Variants in NYNRIN observed in about 807,000 individuals in gnomAD.
NYNRIN encodes protein NYNRIN.
In NYNRIN, 86 loss-of-function variants were observed where a neutral mutation model predicts 146.6. The observed-to-expected ratio is 0.59, with a 90% CI of 0.49 to 0.70. The LOEUF is 0.70. Among genes scored for constraint, NYNRIN ranks in the 30% least tolerant of loss-of-function variants. NYNRIN has a pLI of 0.00. For missense variants in NYNRIN, 2,191 were observed against 2,377.7 expected, an observed-to-expected ratio of 0.92 and a Z score of 1.63; for synonymous variants, 1,027 against 1,001.3, an observed-to-expected ratio of 1.03 and a Z score of -0.48.
chr14:24,416,062 C>T lies in NYNRIN; in HGVS notation c.4313C>T (p.Ala1438Val). The T allele has an allele frequency of 1.2e-6, 2 of 1,614,018 alleles. No individual in the cohort carries two copies. Among genetic ancestry groups the T allele is most frequent in the Non-Finnish European group, 1.7e-6 (2 of 1,179,888 alleles). ...YRTSYRGSLFAVTVDTLAKQG... is the reference protein window; with the variant it reads ...YRTSYRGSLFVVTVDTLAKQG... Reference sequence around the variant, plus strand: ...ACCTCCTACCGGGGCTCTCTGTTTGCTGTGACAGTGGACACCCTGGCCAAG... The same window carrying T: ...ACCTCCTACCGGGGCTCTCTGTTTGTTGTGACAGTGGACACCCTGGCCAAG... The change falls in exon 9 of 9, where the codon GCT (alanine) becomes GTT (valine). Residue 1438 changes from alanine to valine, a missense_variant. Around this residue, in one of 3 missense-constraint regions of NYNRIN, gnomAD observed 1,291 missense variants for 1,417.0 expected, o/e 0.91. Transcript: ENST00000382554.
At position 24,408,743 on chromosome 14, in the gene NYNRIN, C is replaced by A. The variant is rs1397898732; in HGVS notation, c.949C>A (p.Gln317Lys). The A allele has an allele frequency of 1.2e-6, 2 of 1,613,980 alleles. No individual in the cohort carries two copies. The highest frequency in any genetic ancestry group is 1.7e-5 in the Admixed American group (1 of 60,024). Residue 317 changes from glutamine to lysine, a missense_variant, in exon 4 of 9, where the codon CAA (glutamine) becomes AAA (lysine). By Grantham distance (53) the Gln-to-Lys change is moderately conservative. Around this residue, in one of 3 missense-constraint regions of NYNRIN, gnomAD observed 895 missense variants for 941.2 expected, o/e 0.95. Transcript: ENST00000382554. ...CAGCCAGGACTCCACGAACCACACA[C>A]AAGCCTTGTTGAAGCAAAGGCAGGT... ...TSSQDSTNHT[Q>K]ALLKQRQVQK...
In NYNRIN at chr14:24,409,353, A is replaced by C. The variant is rs774430926; in HGVS notation, c.1559A>C (p.Gln520Pro). ...EGPAPVLPTG[Q>P]GKPVAQGGLT... ...CCCGCTCCAGTGCTGCCAACAGGGC[A>C]AGGGAAGCCCGTGGCTCAAGGGGGG... The change falls in exon 4 of 9, where the codon CAA becomes CCA. Residue 520 changes from glutamine to proline, a missense_variant. Coordinates refer to ENST00000382554, the MANE Select transcript of NYNRIN (RefSeq NM_025081.3). 1.2e-6 allele frequency: 2 copies of C among 1,614,048 alleles called. 1 individual carries two copies. Among genetic ancestry groups the C allele is most frequent in the South Asian group, 2.2e-5 (2 of 91,084 alleles).
At position 24,417,186 on chromosome 14, in the gene NYNRIN, G is replaced by A. The variant is rs774752532; in HGVS notation, c.5437G>A (p.Glu1813Lys). 16 of 1,613,962 alleles carry A rather than the reference G, an allele frequency of 9.9e-6. No individual in the cohort carries two copies. The highest frequency in any genetic ancestry group is 1.6e-4 in the Middle Eastern group (1 of 6,084). Residue 1813 changes from glutamate to lysine, a missense_variant, in exon 9 of 9, where the codon GAG becomes AAG. Physicochemically the swap from Glu to Lys is moderately conservative, Grantham distance 56 (BLOSUM62 1). This residue lies in a region of NYNRIN where 1,291 missense variants were observed against 1,417.0 expected (regional missense o/e 0.91). Coordinates refer to ENST00000382554, the MANE Select transcript of NYNRIN (RefSeq NM_025081.3). ...RVADKASEKA[E>K]NRRFKRESQE... ...GGCTGACAAGGCGAGTGAAAAGGCC[G>A]AGAACAGGCGTTTCAAGCGGGAGAG...
Position 24,417,562 on chromosome 14 carries a change from A to C in NYNRIN, c.*116A>C. 1.5e-6 allele frequency: 2 copies of C among 1,332,046 alleles called. No individual in the cohort carries two copies. Among genetic ancestry groups the C allele is most frequent in the Non-Finnish European group, 1.9e-6 (2 of 1,029,240 alleles). The allele number at this position is 1,332,046 out of a possible 1,614,324, so 82.5% of individuals were successfully genotyped here. ...GGGCCCTCAGTTGTGCCTTTTGTAG[A>C]GAACTTGCTTCATAAAGCTTTGCTG... On this transcript the variant is annotated 3_prime_UTR_variant, in exon 9 of 9. Transcript: ENST00000382554.
At position 24,411,387 on chromosome 14, in the gene NYNRIN, A is replaced by G; in HGVS notation, c.2579A>G (p.Lys860Arg). The change falls in exon 6 of 9, where the codon AAG (lysine) becomes AGG (arginine). Residue 860 changes from lysine to arginine, a missense_variant. By Grantham distance (26) the Lys-to-Arg change is conservative. This residue lies in a region of NYNRIN where 1,291 missense variants were observed against 1,417.0 expected (regional missense o/e 0.91). Transcript: ENST00000382554. This position sits in a 1 kb window ranked among gnomAD's most constrained non-coding sequence, Gnocchi z 4.3. Reference sequence around the variant, plus strand: ...TTTCTGACGAAGCTACACTCGCTCAAGATGCTTTCAATCACACCCTCCCAG... The same window carrying G: ...TTTCTGACGAAGCTACACTCGCTCAGGATGCTTTCAATCACACCCTCCCAG... ...SHFLTKLHSL[K>R]MLSITPSQLE... is the part of the protein sequence containing the mutation. The G allele has an allele frequency of 6.2e-7, 1 of 1,613,974 alleles. No individual in the cohort carries two copies. Among genetic ancestry groups the G allele is most frequent in the Non-Finnish European group, 8.5e-7 (1 of 1,179,888 alleles).
Position 24,416,285 on chromosome 14 carries a change from C to G in NYNRIN, c.4536C>G (p.Asn1512Lys), listed in dbSNP as rs2042945336. The change falls in exon 9 of 9, where the codon AAC (asparagine) becomes AAG (lysine). Residue 1512 changes from asparagine to lysine, a missense_variant. Physicochemically the swap from Asn to Lys is moderately conservative, Grantham distance 94 (BLOSUM62 0). Transcript: ENST00000382554. ...CCTCACCGTTTAGTTCTGCCTTTAA[C>G]TCACTCAGCCTCGACAAGGAGAGTG... is the stretch of plus-strand genomic sequence containing the variant. ...SGSSPFSSAFNSLSLDKESGL... is the reference protein window; with the variant it reads ...SGSSPFSSAFKSLSLDKESGL... 3.7e-6 allele frequency: 6 copies of G among 1,613,848 alleles called. No homozygotes were observed. In the African/African-American group the frequency reaches 5.3e-5, roughly 14 times the overall value.
At position 24,411,579 on chromosome 14, in the gene NYNRIN, G is replaced by A; in HGVS notation, c.2642+129G>A. On this transcript the variant is annotated intron_variant, in intron 6 of 8. Transcript: ENST00000382554. The surrounding 1 kb of genome is among the most constrained non-coding windows in gnomAD (Gnocchi z 4.3). ...ATGTTGGGGGTGTCGGTTGTGCAGA[G>A]GGTGGGGTGGAGCACGGGCATCTGT... 1 of 795,002 alleles carries A rather than the reference G, an allele frequency of 1.3e-6. No individual in the cohort carries two copies. 49.2% of individuals were successfully genotyped at this position (795,002 alleles called of 1,614,324 possible). A position where few individuals can be genotyped will look rare whatever the true frequency, so the allele number is the denominator to read the frequency against.
Position 24,417,378 on chromosome 14 carries a change from C to A in NYNRIN, c.5629C>A (p.Pro1877Thr). The A allele has an allele frequency of 6.3e-7, 1 of 1,584,638 alleles. No individual in the cohort carries two copies. The highest frequency in any genetic ancestry group is 8.6e-7 in the Non-Finnish European group (1 of 1,163,720). The change falls in exon 9 of 9, where the codon CCC (proline) becomes ACC (threonine). Residue 1877 changes from proline (P) to threonine (T), a missense_variant. By Grantham distance (38) the Pro-to-Thr change is conservative (BLOSUM62 -1). Around this residue, in one of 3 missense-constraint regions of NYNRIN, gnomAD observed 1,291 missense variants for 1,417.0 expected, o/e 0.91. Transcript: ENST00000382554. ...CCCAGAGAAGCTGGGGTGCATCTAT[C>A]CCAGCAGTCTGATGAAGGCCTTTGC... The part of the protein sequence containing the change: ...PTPEKLGCIY[P>T]SSLMKAFAKS...
Position 24,416,362 on chromosome 14 carries a change from C to A in NYNRIN, c.4613C>A (p.Thr1538Lys). ...DKKPRVWVVP[T>K]QLRRDLIFSV... ...AAGCCCAGGGTCTGGGTAGTCCCGA[C>A]GCAACTCCGGAGGGATCTGATTTTC... is the stretch of plus-strand genomic sequence containing the variant. Residue 1538 changes from threonine (T) to lysine (K), a missense_variant, in exon 9 of 9, where the codon ACG becomes AAG. Coordinates refer to ENST00000382554, the MANE Select transcript of NYNRIN (RefSeq NM_025081.3). The A allele has an allele frequency of 1.2e-6, 2 of 1,613,320 alleles. No individual in the cohort carries two copies. Among genetic ancestry groups the A allele is most frequent in the South Asian group, 2.2e-5 (2 of 90,966 alleles).
chr14:24,399,629 C>T (rs985190285), intron 2 of NYNRIN, among the ~76,000 whole-genome samples, 185 bp downstream of exon 2: 2 of 152,140 alleles, frequency 1.3e-5, no homozygotes, highest in African/African-American at 2.4e-5. Flanking sequence ...CTTCCATGCC[C>T]GCTTCTTCCC....
intron 4 of NYNRIN, 31 bp downstream of exon 4, chr14:24,410,239 G>A: frequency 2.6e-6 from 4 of 1,529,402 alleles, no homozygotes; most frequent in Non-Finnish European, 3.6e-6. Context: ...GGTGGGCTGG[G>A]GATGCTGTGG....
chr14:24,408,886 T>G lies in NYNRIN; in HGVS notation c.1092T>G (p.Ile364Met). 22 of 1,614,016 alleles carry G rather than the reference T, an allele frequency of 1.4e-5. No individual in the cohort carries two copies. Among genetic ancestry groups the G allele is most frequent in the Non-Finnish European group, 1.9e-5 (22 of 1,179,892 alleles). The change falls in exon 4 of 9, where the codon ATT becomes ATG. Residue 364 changes from isoleucine (I) to methionine (M), a missense_variant. Ile to Met is a conservative substitution (Grantham distance 10, BLOSUM62 1). Around this residue, in one of 3 missense-constraint regions of NYNRIN, gnomAD observed 895 missense variants for 941.2 expected, o/e 0.95. Coordinates refer to ENST00000382554, the MANE Select transcript of NYNRIN (RefSeq NM_025081.3). ...TTGGGCCATTGTGGCCGGGGGCTAT[T>G]GCTGCAACCTTCTGGAGGATCAATG... The part of the protein sequence containing the change: ...PAFGPLWPGA[I>M]AATFWRINEL...
chr14:24,413,542 T>TG, intron 8 of NYNRIN, 125 bp downstream of exon 8: 1 of 628,122 alleles, frequency 1.6e-6, no homozygotes, highest in Non-Finnish European at 2.7e-6. Flanking sequence ...CATGTCTTTA[T>TG]ACTTGTGCCA....
chr14:24,400,234 C>T (rs1472168656), intron 2 of NYNRIN, among the ~76,000 whole-genome samples: 1 of 152,178 alleles, frequency 6.6e-6, no homozygotes, highest in Non-Finnish European at 1.5e-5. Context: ...TGGGGCTGGA[C>T]CTTGGACAGG....
At position 24,413,307 on chromosome 14, in the gene NYNRIN, T is replaced by C. The variant is rs771996506; in HGVS notation, c.2745-9T>C. 6.2e-7 allele frequency: 1 copy of C among 1,610,204 alleles called. No homozygotes were observed. Among genetic ancestry groups the C allele is most frequent in the Non-Finnish European group, 8.5e-7 (1 of 1,178,174 alleles). ...ACAGTGACTGTGCCTCTTCTCCCCC[T>C]GGGCCCAGCTTGCTGCCTTTCACCT... On this transcript the variant is annotated splice_polypyrimidine_tract_variant and intron_variant, in intron 7 of 8. Coordinates refer to ENST00000382554, the MANE Select transcript of NYNRIN (RefSeq NM_025081.3).
chr14:24,402,976 T>G (rs1172790870), intron 2 of NYNRIN, among the ~76,000 whole-genome samples: 2 of 152,218 alleles, frequency 1.3e-5, no homozygotes, highest in Non-Finnish European at 2.9e-5. Context: ...TAAAAGAATA[T>G]GTAGACACTA....
In NYNRIN at chr14:24,411,647, C is replaced by T. The variant is rs112433979; in HGVS notation, c.2642+197C>T. Among the ~76,000 whole-genome samples, 203 of 152,268 alleles carry T rather than the reference C, an allele frequency of 1.3e-3. No individual in the cohort carries two copies. The highest frequency in any genetic ancestry group is 4.7e-3 in the African/African-American group (195 of 41,546). On this transcript the variant is annotated intron_variant, in intron 6 of 8. Coordinates refer to ENST00000382554, the MANE Select transcript of NYNRIN (RefSeq NM_025081.3). This position sits in a 1 kb window ranked among gnomAD's most constrained non-coding sequence, Gnocchi z 4.3. ...CATTGAGGAAAGGGCTTGAGGTTGGCTCTCCCCAAGCCCGGAGTTGTTTCT... is the reference window on the plus strand; with the variant it reads ...CATTGAGGAAAGGGCTTGAGGTTGGTTCTCCCCAAGCCCGGAGTTGTTTCT...
At chr14:24,414,529 G>T (rs2042931345) in intron 8 of NYNRIN, 67 bp from the exon 9 acceptor site, 1 of 1,494,702 alleles carries the variant, frequency 6.7e-7, no homozygotes. Context: ...TTCCACAGAG[G>T]TGCTTTCCCT....
rs2042953447 is a variant in NYNRIN at position 24,417,109 on chromosome 14, A to G, written c.5360A>G (p.Asp1787Gly). The change falls in exon 9 of 9, where the codon GAC becomes GGC. Residue 1787 changes from aspartate to glycine, a missense_variant. Around this residue, in one of 3 missense-constraint regions of NYNRIN, gnomAD observed 1,291 missense variants for 1,417.0 expected, o/e 0.91. Transcript: ENST00000382554. ...SSANIEGLKM[D>G]VFLLQLVGEL... ...GCAAACATTGAAGGGCTCAAGATGG[A>G]CGTCTTCCTGCTACAGCTGGTGGGG... The G allele has an allele frequency of 1.2e-6, 2 of 1,613,730 alleles. No homozygotes were observed. Among genetic ancestry groups the G allele is most frequent in the Non-Finnish European group, 1.7e-6 (2 of 1,179,792 alleles).
Sources: gnomAD v4.1 joint callset for allele counts (sites outside exome capture counted in the v4.1 genomes callset) on GRCh38, gnomAD v4.1.1 for gene constraint, gnomAD v4.1.1 regional missense constraint, Gnocchi (gnomAD v3.1) non-coding constraint, MANE v1.5 for transcripts, NCBI Gene and HGNC (gene_info 2026-07-23, HGNC 2026-07-21) for gene names.